The following CCNB1 variants were observed in gnomAD, a reference collection of about 807,000 sequenced individuals.
CCNB1 encodes cyclin B1, also known as G2/mitotic-specific cyclin-B1.
Under a neutral mutation model 44.4 loss-of-function variants are expected in CCNB1, and 26 were observed. The ratio of observed to expected loss-of-function variants is 0.59; its 90% CI spans 0.43 to 0.81. The LOEUF (loss-of-function observed/expected upper bound fraction) is 0.81, where lower values mean the gene tolerates loss of function less well. CCNB1 is among the 40% of genes least tolerant of loss of function. The pLI, the probability that CCNB1 is intolerant of heterozygous loss-of-function variation, is 0.00. For missense variants in CCNB1, 477 were observed against 520.9 expected, an observed-to-expected ratio of 0.92 and a Z score of 0.82; for synonymous variants, 195 against 181.4, an observed-to-expected ratio of 1.08 and a Z score of -0.60.
Position 69,175,982 on chromosome 5 carries a change from AATATATATATATAT to A in CCNB1, c.1083+465_1083+478del, listed in dbSNP as rs68140968. Among the ~76,000 whole-genome samples, 80 of 116,398 alleles carry A rather than the reference AATATATATATATAT, an allele frequency of 6.9e-4. 2 individuals carry two copies. The highest frequency in any genetic ancestry group is 3.1e-3 in the East Asian group (10 of 3,256). The allele number at this position is 116,398 out of a possible 152,430, so 76.4% of individuals were successfully genotyped here. A position where few individuals can be genotyped will look rare whatever the true frequency, so the allele number is the denominator to read the frequency against. On this transcript the variant is annotated intron_variant, in intron 7 of 8. Coordinates refer to ENST00000256442, the MANE Select transcript of CCNB1 (RefSeq NM_031966.4). Reference sequence around the variant, plus strand: ...CCTCATCTTTACAAAAAATATATAAAATATATATATATATATATATATATATATATATACAGGCA... The same window carrying A: ...CCTCATCTTTACAAAAAATATATAAAATATATATATATATATATACAGGCA...
rs1747531415 is a variant in CCNB1, at chr5:69,174,353, A to T, written c.649A>T (p.Arg217Trp). The change falls in exon 5 of 9, where the codon AGG (arginine) becomes TGG (tryptophan). Residue 217 changes from arginine to tryptophan, a missense_variant. Physicochemically the swap from Arg to Trp is moderately radical, Grantham distance 101 (BLOSUM62 -3). Coordinates refer to ENST00000256442, the MANE Select transcript of CCNB1 (RefSeq NM_031966.4). Reference protein sequence around the residue: ...DWLVQVQMKFRLLQETMYMTV... With the variant: ...DWLVQVQMKFWLLQETMYMTV... ...GCTAGTACAGGTTCAAATGAAATTC[A>T]GGTTGTTGCAGGAGACCATGTACAT... The T allele has an allele frequency of 6.2e-7, 1 of 1,613,950 alleles. No homozygotes were observed. Among genetic ancestry groups the T allele is most frequent in the Non-Finnish European group, 8.5e-7 (1 of 1,179,924 alleles).
chr5:69,168,130 C>A (rs780787172), intron 2 of CCNB1, 43 bp from the exon 3 acceptor site: 32 of 1,610,584 alleles, frequency 2.0e-5, no homozygotes, highest in Middle Eastern at 1.6e-4. Context: ...CCAACTGTGG[C>A]CTTTGATGCA....
chr5:69,174,362 CAGG>C lies in CCNB1; in HGVS notation c.661_663del (p.Glu221del). The C allele has an allele frequency of 1.2e-6, 2 of 1,613,928 alleles. No homozygotes were observed. Among genetic ancestry groups the C allele is most frequent in the Non-Finnish European group, 1.7e-6 (2 of 1,179,834 alleles). On this transcript the variant is annotated inframe_deletion, in exon 5 of 9. Transcript: ENST00000256442. ...GGTTCAAATGAAATTCAGGTTGTTG[CAGG>C]AGACCATGTACATGACTGTCTCCAT...
At chr5:69,168,378 T>C in intron 3 of CCNB1, 35 bp downstream of exon 3, 1 of 1,611,726 alleles carries the variant, frequency 6.2e-7, no homozygotes, top group Non-Finnish European at 8.5e-7. Flanking sequence ...AGTCTGTTGA[T>C]TATTTCTTGT....
At chr5:69,174,755 CT>C in intron 5 of CCNB1, 121 bp from the exon 6 acceptor site, 1 of 760,708 alleles carries the variant, frequency 1.3e-6, no homozygotes, top group Non-Finnish European at 2.1e-6. Flanking sequence ...TAAAATCTTT[CT>C]TGGGGGATAT....
chr5:69,167,759 G>C, intron 1 of CCNB1, 149 bp from the exon 2 acceptor site: 1 of 659,008 alleles, frequency 1.5e-6, no homozygotes, highest in Non-Finnish European at 2.5e-6. Context: ...CACGGCCGCA[G>C]AGTAGACTCT....
chr5:69,175,191 A>G lies in CCNB1; in HGVS notation c.942+78A>G, dbSNP rs553916362. Reference sequence around the variant, plus strand: ...CTGCTGACCAAGCACGTTGAATTCAACTGACCTGTATTATACCTAACTACA... The same window carrying G: ...CTGCTGACCAAGCACGTTGAATTCAGCTGACCTGTATTATACCTAACTACA... On this transcript the variant is annotated intron_variant, in intron 6 of 8. Transcript: ENST00000256442. 6.1e-6 allele frequency: 7 copies of G among 1,153,914 alleles called. No individual in the cohort carries two copies. In the Admixed American group the frequency reaches 8.8e-5, roughly 15 times the overall value. 71.5% of individuals were successfully genotyped at this position (1,153,914 alleles called of 1,614,324 possible). A position where few individuals can be genotyped will look rare whatever the true frequency, so the allele number is the denominator to read the frequency against.
chr5:69,172,019 C>T (rs1747470259), intron 4 of CCNB1, among the ~76,000 whole-genome samples: 1 of 152,214 alleles, frequency 6.6e-6, no homozygotes. Flanking sequence ...CTCTTTATGG[C>T]AGCATAAACA....
chr5:69,167,772 G>T, intron 1 of CCNB1, 136 bp from the exon 2 acceptor site: 1 of 716,382 alleles, frequency 1.4e-6, no homozygotes. Context: ...TAGACTCTGG[G>T]ACCCATGTTT....
intron 4 of CCNB1, among the ~76,000 whole-genome samples, chr5:69,173,632 G>A (rs567464986): frequency 2.4e-4 from 36 of 152,308 alleles, no homozygotes; most frequent in African/African-American, 7.7e-4. Flanking sequence ...AGAGGCTTAA[G>A]TGAAAAGATC....
Position 69,177,596 on chromosome 5 carries a change from G to C in CCNB1, c.1267G>C (p.Val423Leu). Residue 423 changes from valine to leucine, a missense_variant, in exon 9 of 9, where the codon GTT becomes CTT. Physicochemically the swap from Val to Leu is conservative, Grantham distance 32. Coordinates refer to ENST00000256442, the MANE Select transcript of CCNB1 (RefSeq NM_031966.4). ...STLPQLNSAL[V>L]QDLAKAVAKV The stretch of plus-strand genomic sequence containing the variant: ...TCTACCACAGCTGAATTCTGCACTA[G>C]TTCAAGATTTAGCCAAGGCTGTGGC... 1 of 1,613,358 alleles carries C rather than the reference G, an allele frequency of 6.2e-7. No individual in the cohort carries two copies.
chr5:69,170,616 A>G (rs903958917), intron 3 of CCNB1, among the ~76,000 whole-genome samples: 1 of 152,008 alleles, frequency 6.6e-6, no homozygotes, highest in African/African-American at 2.4e-5. Context: ...ATTTGCTTCC[A>G]ACTTTAAACT....
chr5:69,167,319 C>T (rs1235675028), intron 1 of CCNB1, 36 bp downstream of exon 1: 4 of 1,602,320 alleles, frequency 2.5e-6, no homozygotes, highest in South Asian at 2.2e-5. Flanking sequence ...ACGCGGCCTT[C>T]TTAGCTGCTG....
In CCNB1 at chr5:69,177,523, G is replaced by A; in HGVS notation, c.1195-1G>A. 2 of 1,601,906 alleles carry A rather than the reference G, an allele frequency of 1.2e-6. No individual in the cohort carries two copies. The highest frequency in any genetic ancestry group is 1.7e-6 in the Non-Finnish European group (2 of 1,170,654). On this transcript the variant is annotated splice_acceptor_variant, in intron 8 of 8. Coordinates refer to ENST00000256442, the MANE Select transcript of CCNB1 (RefSeq NM_031966.4). LOFTEE classifies it high-confidence loss of function. ...TTAATTGCTATCTTTTTGTCTTCCA[G>A]ACTGTCAAGAACAAGTATGCCACAT...
rs947201737 is a variant in CCNB1, at chr5:69,178,175, A to G, written c.*544A>G. ...CAAACTTTCACTTTGAAAAATGAGA[A>G]TTTTATATTCTAAGCCAGTTTTCAT... On this transcript the variant is annotated 3_prime_UTR_variant, in exon 9 of 9. Coordinates refer to ENST00000256442, the MANE Select transcript of CCNB1 (RefSeq NM_031966.4). The G allele has an allele frequency of 6.6e-6, 1 of 152,180 alleles. No homozygotes were observed. The highest frequency in any genetic ancestry group is 2.4e-5 in the African/African-American group (1 of 41,458). The allele number at this position is 152,180 out of a possible 1,614,324, so 9.4% of individuals were successfully genotyped here. A position where few individuals can be genotyped will look rare whatever the true frequency, so the allele number is the denominator to read the frequency against.
In CCNB1 at chr5:69,177,313, T is replaced by G; in HGVS notation, c.1158T>G (p.Asn386Lys). The G allele has an allele frequency of 6.2e-7, 1 of 1,612,750 alleles. No homozygotes were observed. The change falls in exon 8 of 9, where the codon AAT (asparagine) becomes AAG (lysine). Residue 386 changes from asparagine (N) to lysine (K), a missense_variant. Transcript: ENST00000256442. The part of the protein sequence containing the change: ...LLPVMQHLAK[N>K]VVMVNQGLTK... ...CAGTTATGCAGCACCTGGCTAAGAA[T>G]GTAGTCATGGTAAATCAAGGACTTA...
At chr5:69,171,194 C>G in intron 3 of CCNB1, 76 bp from the exon 4 acceptor site, 1 of 1,055,918 alleles carries the variant, frequency 9.5e-7, no homozygotes, top group Non-Finnish European at 1.4e-6. Flanking sequence ...TGAGTTGGTA[C>G]CAATAACCTG....
chr5:69,167,329 G>A (rs769587961), intron 1 of CCNB1, 46 bp downstream of exon 1: 5 of 1,599,858 alleles, frequency 3.1e-6, no homozygotes, highest in Admixed American at 1.7e-5. Flanking sequence ...CTTAGCTGCT[G>A]CCTGCTCTCC....
chr5:69,167,838 C>A, intron 1 of CCNB1, 70 bp from the exon 2 acceptor site: 1 of 1,386,130 alleles, frequency 7.2e-7, no homozygotes, highest in Non-Finnish European at 9.8e-7. Flanking sequence ...CCTTGTGCCC[C>A]ACCTTAATTA....
Sources: gnomAD v4.1 joint callset for allele counts (sites outside exome capture counted in the v4.1 genomes callset) on GRCh38, gnomAD v4.1.1 for gene constraint, MANE v1.5 for transcripts, NCBI Gene and HGNC (gene_info 2026-07-23, HGNC 2026-07-21) for gene names.